Variants in NLRP14 observed in about 807,000 individuals in gnomAD.
NLRP14 encodes NACHT, LRR and PYD domains-containing protein 14.
A neutral mutation model predicts 94.7 loss-of-function variants in NLRP14; 105 were observed. The ratio of observed to expected loss-of-function variants is 1.11; its 90% CI spans 0.95 to 1.30. The LOEUF (loss-of-function observed/expected upper bound fraction) is 1.30, where lower values mean the gene tolerates loss of function less well. NLRP14 is among the 50% of genes most tolerant of loss of function. NLRP14 has a pLI of 0.00. For missense variants in NLRP14, 1,362 were observed against 1,254.1 expected (o/e 1.09, Z -1.30); for synonymous variants, 508 against 459.9 (o/e 1.10, Z -1.34).
chr11:7,058,609 C>T (rs1269116751), intron 8 of NLRP14, among the ~76,000 whole-genome samples, 159 bp downstream of exon 8: 2 of 151,576 alleles, frequency 1.3e-5, no homozygotes, highest in African/African-American at 2.4e-5. Context: ...TTATTGTGTC[C>T]TAACTCTACT....
Position 7,062,408 on chromosome 11 carries a change from G to T in NLRP14, c.2880G>T (p.Arg960Ser), listed in dbSNP as rs867631730. Reference protein sequence around the residue: ...ASVILNNPNLRSLDLGNNDLQ... With the variant: ...ASVILNNPNLSSLDLGNNDLQ... Reference sequence around the variant, plus strand: ...TTATTTTGAATAACCCAAACCTGAGGAGCCTGGACCTTGGGAACAACGATT... The same window carrying T: ...TTATTTTGAATAACCCAAACCTGAGTAGCCTGGACCTTGGGAACAACGATT... The change falls in exon 10 of 12, where the codon AGG becomes AGT. Residue 960 changes from arginine to serine, a missense_variant. Arg to Ser is a moderately radical substitution (Grantham distance 110). Coordinates refer to ENST00000299481, the MANE Select transcript of NLRP14 (RefSeq NM_176822.4). 6.2e-7 allele frequency: 1 copy of T among 1,613,180 alleles called. No individual in the cohort carries two copies.
chr11:7,048,327 A>G (rs1252508409), intron 5 of NLRP14, among the ~76,000 whole-genome samples: 1 of 152,186 alleles, frequency 6.6e-6, no homozygotes, highest in African/African-American at 2.4e-5. Context: ...TCACTTTAAA[A>G]TGTTGATTGT....
At chr11:7,020,814 C>T (rs1851914481) in intron 1 of NLRP14, 44 bp downstream of exon 1, 1 of 152,546 alleles carries the variant, frequency 6.6e-6, no homozygotes, top group African/African-American at 2.4e-5. Context: ...CAGACACCCT[C>T]TTCGTTCCTG....
chr11:7,036,032 A>T (rs1034625670), intron 1 of NLRP14, among the ~76,000 whole-genome samples: 1 of 152,240 alleles, frequency 6.6e-6, no homozygotes, highest in Non-Finnish European at 1.5e-5. Flanking sequence ...TCAAACTTTC[A>T]GGTCTGTTTT....
intron 4 of NLRP14, among the ~76,000 whole-genome samples, chr11:7,045,917 A>G (rs1304131019): frequency 6.6e-6 from 1 of 152,134 alleles, no homozygotes; most frequent in Non-Finnish European, 1.5e-5. Context: ...TGAGGCTCAC[A>G]TAGGTTAGTA....
At chr11:7,062,560 A>C in intron 10 of NLRP14, 57 bp downstream of exon 10, 3 of 1,471,068 alleles carry the variant, frequency 2.0e-6, no homozygotes, top group Non-Finnish European at 2.9e-6. Flanking sequence ...TAGTATAGCT[A>C]GAAGATATTT....
intron 10 of NLRP14, among the ~76,000 whole-genome samples, chr11:7,069,847 G>A (rs1589876049): frequency 2.6e-5 from 4 of 151,990 alleles, no homozygotes; most frequent in South Asian, 4.2e-4. Context: ...GGTTGGTCTC[G>A]AACTCCTAAC....
At chr11:7,034,817 A>G (rs1852140155) in intron 1 of NLRP14, among the ~76,000 whole-genome samples, 1 of 152,146 alleles carries the variant, frequency 6.6e-6, no homozygotes, top group Non-Finnish European at 1.5e-5. Context: ...TCTGGGATTT[A>G]TTATGAGGAT....
intron 1 of NLRP14, among the ~76,000 whole-genome samples, chr11:7,025,140 T>A (rs1216609751): frequency 6.6e-6 from 1 of 152,076 alleles, no homozygotes; most frequent in Non-Finnish European, 1.5e-5. Context: ...ACACTAGACA[T>A]AAAAAGGTAT....
chr11:7,022,080 T>C (rs760660857), intron 1 of NLRP14, among the ~76,000 whole-genome samples: 1 of 152,162 alleles, frequency 6.6e-6, no homozygotes, highest in African/African-American at 2.4e-5. Flanking sequence ...TACGCAAGAC[T>C]TTTAGGAATG....
the NLRP14 span, chr11:7,090,324 A>G: frequency 6.4e-7 from 1 of 1,564,484 alleles, no homozygotes. Context: ...GGGACCAAAA[A>G]TCCCTTTTCA....
chr11:7,058,422 C>T lies in NLRP14; in HGVS notation c.2605C>T (p.His869Tyr). 1.2e-6 allele frequency: 2 copies of T among 1,612,402 alleles called. No individual in the cohort carries two copies. Among genetic ancestry groups the T allele is most frequent in the Non-Finnish European group, 1.7e-6 (2 of 1,178,640 alleles). Residue 869 changes from histidine to tyrosine, a missense_variant, in exon 8 of 12, where the codon CAT (histidine) becomes TAT (tyrosine). Coordinates refer to ENST00000299481, the MANE Select transcript of NLRP14 (RefSeq NM_176822.4). The stretch of plus-strand genomic sequence containing the variant: ...AAAGCTTATGAGTGATGCCCTGCAA[C>T]ATGCACAATGTACTCTGAAGAGCCT... ...GVKLMSDALQ[H>Y]AQCTLKSLVL...
chr11:7,050,580 C>T (rs563525761), intron 6 of NLRP14, among the ~76,000 whole-genome samples: 1 of 152,256 alleles, frequency 6.6e-6, no homozygotes, highest in African/African-American at 2.4e-5. Flanking sequence ...TTCAGGGTGG[C>T]CAAGACTGAA....
Position 7,042,738 on chromosome 11 carries a change from C to A in NLRP14, c.712C>A (p.Pro238Thr). The change falls in exon 4 of 12, where the codon CCC becomes ACC. Residue 238 changes from proline (P) to threonine (T), a missense_variant. Transcript: ENST00000299481. The part of the protein sequence containing the change: ...SFAQLISKDW[P>T]STEGPIEEIM... ...TGCTCAATTGATATCAAAGGACTGG[C>A]CCAGCACAGAAGGCCCCATTGAAGA... 2 of 1,614,154 alleles carry A rather than the reference C, an allele frequency of 1.2e-6. No individual in the cohort carries two copies. The highest frequency in any genetic ancestry group is 1.7e-6 in the Non-Finnish European group (2 of 1,180,004).
At chr11:7,038,523 C>A (rs1049313796) in intron 1 of NLRP14, 43 bp from the exon 2 acceptor site, 2 of 1,445,906 alleles carry the variant, frequency 1.4e-6, no homozygotes, top group Non-Finnish European at 1.9e-6. Context: ...TCATGTGTCC[C>A]ATTTATTCCA....
the NLRP14 span, chr11:7,089,009 C>T: frequency 7.7e-7 from 1 of 1,300,648 alleles, no homozygotes; most frequent in Non-Finnish European, 1.1e-6. Context: ...GACTCGGCGA[C>T]TAGGCGCCGC....
intron 10 of NLRP14, among the ~76,000 whole-genome samples, chr11:7,065,645 G>A (rs1282928463): frequency 6.6e-6 from 1 of 151,996 alleles, no homozygotes; most frequent in Non-Finnish European, 1.5e-5. Context: ...CACAACTTCA[G>A]TGGTTCACCA....
chr11:7,062,600 G>A lies in NLRP14; in HGVS notation c.2975+97G>A, dbSNP rs1589871953. The A allele has an allele frequency of 1.5e-5, 15 of 1,016,680 alleles. No homozygotes were observed. In the East Asian group the frequency reaches 2.6e-4, roughly 18 times the overall value. The allele number at this position is 1,016,680 out of a possible 1,614,324, so 63.0% of individuals were successfully genotyped here. A position where few individuals can be genotyped will look rare whatever the true frequency, so the allele number is the denominator to read the frequency against. On this transcript the variant is annotated intron_variant, in intron 10 of 11. Transcript: ENST00000299481. ...TATGGAGAGAGGATAAAAACTAAAT[G>A]GGGCTAGAAGGTAAGTTACTCTCAG...
At chr11:7,085,186 T>C in the NLRP14 span, among the ~76,000 whole-genome samples, 2 of 152,250 alleles carry the variant, frequency 1.3e-5, no homozygotes, top group African/African-American at 4.8e-5. Flanking sequence ...GTAAAATACA[T>C]ATAACATGGT....
Sources: allele counts gnomAD v4.1 joint callset (sites outside exome capture counted in the v4.1 genomes callset), GRCh38; gene constraint gnomAD v4.1.1; transcripts MANE v1.5; gene names NCBI Gene and HGNC (gene_info 2026-07-23, HGNC 2026-07-21).